Variants in MMP26 observed in about 807,000 individuals in gnomAD.
The protein encoded by MMP26 is matrix metalloproteinase-26.
In MMP26, 33 loss-of-function variants were observed where a neutral mutation model predicts 31.0. The observed-to-expected ratio is 1.06, with a 90% confidence interval of 0.81 to 1.42. The LOEUF is 1.42. Among genes scored for constraint, MMP26 ranks in the 40% most tolerant of loss-of-function variants. MMP26 has a pLI of 0.00. For missense variants in MMP26, 347 were observed against 316.1 expected, an observed-to-expected ratio of 1.10 and a Z score of -0.74; for synonymous variants, 122 against 114.9, an observed-to-expected ratio of 1.06 and a Z score of -0.40.
At position 4,946,384 on chromosome 11, in the gene MMP26, G is replaced by C. The variant is rs774481902; in HGVS notation, c.-144-41684G>C. On this transcript the variant is annotated intron_variant, in intron 2 of 7. Coordinates refer to ENST00000380390, the MANE Select transcript of MMP26 (RefSeq NM_021801.5). ...CACAGATGTGTGAAACACAAGTATTGAGAGCCTTAAGCTGCTCCTTTTTGG... is the reference window on the plus strand; with the variant it reads ...CACAGATGTGTGAAACACAAGTATTCAGAGCCTTAAGCTGCTCCTTTTTGG... 6 of 1,613,468 alleles carry C rather than the reference G, an allele frequency of 3.7e-6. No individual in the cohort carries two copies. The East Asian group carries it at 1.3e-4, about 36-fold the overall frequency.
chr11:4,777,933 A>G (rs1039901659), intron 2 of MMP26, among the ~76,000 whole-genome samples: 1 of 152,130 alleles, frequency 6.6e-6, no homozygotes, highest in Non-Finnish European at 1.5e-5. Context: ...CAAAACATGC[A>G]TAACATATGC....
At chr11:4,726,055 A>C (rs1191934192) in intron 1 of MMP26, among the ~76,000 whole-genome samples, 1 of 152,164 alleles carries the variant, frequency 6.6e-6, no homozygotes, top group Non-Finnish European at 1.5e-5. Context: ...GACCAAAAGA[A>C]CCTCTGGTGA....
chr11:4,796,142 G>C (rs890203308), intron 2 of MMP26, among the ~76,000 whole-genome samples: 1 of 152,158 alleles, frequency 6.6e-6, no homozygotes, highest in African/African-American at 2.4e-5. Flanking sequence ...AGTAGAGCCT[G>C]TCTGTTGCTC....
At chr11:4,815,203 T>C (rs952383048) in intron 2 of MMP26, among the ~76,000 whole-genome samples, 1 of 152,198 alleles carries the variant, frequency 6.6e-6, no homozygotes, top group East Asian at 1.9e-4. Flanking sequence ...GACTGCGTTT[T>C]TACATAAACA....
At chr11:4,817,142 A>G (rs1849432562) in intron 2 of MMP26, among the ~76,000 whole-genome samples, 1 of 152,116 alleles carries the variant, frequency 6.6e-6, no homozygotes, top group African/African-American at 2.4e-5. Flanking sequence ...ATATAAAATC[A>G]TAGCTATAAG....
chr11:4,743,207 C>T (rs1461612975), intron 1 of MMP26, among the ~76,000 whole-genome samples: 1 of 152,100 alleles, frequency 6.6e-6, no homozygotes, highest in Non-Finnish European at 1.5e-5. Flanking sequence ...TCCCCTGGCT[C>T]TTCATAGTCA....
intron 2 of MMP26, among the ~76,000 whole-genome samples, chr11:4,942,089 C>CTAAAAAAAAAAAAAAAA (rs1846216548): frequency 2.7e-5 from 1 of 37,122 alleles, no homozygotes; most frequent in South Asian, 1.4e-3. Context: ...GAGTCCATCT[C>CTAAAAAAAAAAAAAAAA]AAAAAAAAAA....
chr11:4,891,019 AATAAT>A (rs1850613064), intron 2 of MMP26, among the ~76,000 whole-genome samples: 1 of 148,320 alleles, frequency 6.7e-6, no homozygotes, highest in South Asian at 2.1e-4. Context: ...TAATAATAAT[AATAAT>A]AAAAGTAAAA....
At chr11:4,803,494 C>A in intron 2 of MMP26, 1 of 1,614,008 alleles carries the variant, frequency 6.2e-7, no homozygotes, top group Non-Finnish European at 8.5e-7. Context: ...GGTTCTAACT[C>A]CATAAATGAT....
intron 2 of MMP26, among the ~76,000 whole-genome samples, chr11:4,817,225 G>T (rs1484725501): frequency 1.3e-5 from 2 of 152,102 alleles, no homozygotes. Flanking sequence ...AAAGGAGAGG[G>T]AAGAGAAGAA....
intron 2 of MMP26, among the ~76,000 whole-genome samples, chr11:4,933,445 G>A (rs1437195395): frequency 2.0e-5 from 3 of 149,944 alleles, no homozygotes; most frequent in Non-Finnish European, 4.4e-5. Context: ...GGATTACAAG[G>A]CAATTTACAC....
intron 2 of MMP26, among the ~76,000 whole-genome samples, chr11:4,888,442 T>G (rs1850572876): frequency 6.6e-6 from 1 of 152,160 alleles, no homozygotes; most frequent in Non-Finnish European, 1.5e-5. Flanking sequence ...AAACACTAGA[T>G]AGTAATTTAA....
At chr11:4,897,640 T>A (rs1850729481) in intron 2 of MMP26, among the ~76,000 whole-genome samples, 1 of 152,076 alleles carries the variant, frequency 6.6e-6, no homozygotes, top group Non-Finnish European at 1.5e-5. Flanking sequence ...TTTCCTCAAC[T>A]GGCTTCTTAG....
At chr11:4,759,912 C>T (rs1006258433) in intron 1 of MMP26, among the ~76,000 whole-genome samples, 4 of 152,184 alleles carry the variant, frequency 2.6e-5, no homozygotes, top group African/African-American at 9.7e-5. Context: ...CGCCACTACC[C>T]AGTCGGCCTC....
chr11:4,793,820 A>C (rs1012428114), intron 2 of MMP26: 3 of 152,094 alleles, frequency 2.0e-5, no homozygotes, highest in Non-Finnish European at 4.4e-5. Context: ...GGATATGCTT[A>C]CTCTTTACCC....
At chr11:4,899,687 C>G (rs1270132761) in intron 2 of MMP26, among the ~76,000 whole-genome samples, 1 of 152,134 alleles carries the variant, frequency 6.6e-6, no homozygotes, top group Non-Finnish European at 1.5e-5. Context: ...TCCTGATGAT[C>G]AAGGATTAAT....
intron 1 of MMP26, among the ~76,000 whole-genome samples, chr11:4,765,665 C>T (rs1795272268): frequency 6.6e-6 from 1 of 152,186 alleles, no homozygotes; most frequent in South Asian, 2.1e-4. Flanking sequence ...GCGTGGGTAG[C>T]CTGGCTTGCT....
chr11:4,751,765 CAT>C (rs765253520), intron 1 of MMP26, among the ~76,000 whole-genome samples: 12 of 152,014 alleles, frequency 7.9e-5, no homozygotes, highest in Admixed American at 6.6e-5. Flanking sequence ...CAAAGTGAAT[CAT>C]GTGATTGTTG....
chr11:4,960,644 T>C (rs185824044), intron 2 of MMP26, among the ~76,000 whole-genome samples: 17 of 152,082 alleles, frequency 1.1e-4, no homozygotes, highest in African/African-American at 3.6e-4. Flanking sequence ...ATTGCTGAAA[T>C]CTCAAAATAT....
Sources: allele counts gnomAD v4.1 joint callset (sites outside exome capture counted in the v4.1 genomes callset), GRCh38; gene constraint gnomAD v4.1.1; transcripts MANE v1.5; gene names NCBI Gene and HGNC (gene_info 2026-07-23, HGNC 2026-07-21).